PECR: variants seen among roughly 807,000 people sequenced by gnomAD.
The protein encoded by PECR is 2,4-dienoyl-CoA reductase-related protein.
In PECR, 30 loss-of-function variants were observed where a neutral mutation model predicts 35.3. The observed-to-expected ratio is 0.85, with a 90% CI of 0.64 to 1.15. PECR has a LOEUF of 1.15. Ranked by LOEUF, PECR falls within the 50% of genes most tolerant of loss-of-function variation. The pLI is 0.00. For synonymous variants in PECR, 148 were observed against 138.9 expected, an observed-to-expected ratio of 1.07 and a Z score of -0.46; for missense variants, 392 against 370.8, an observed-to-expected ratio of 1.06 and a Z score of -0.47.
At chr2:216,081,526 C>T (rs1372374004) in intron 1 of PECR, 92 bp downstream of exon 1, 3 of 1,515,350 alleles carry the variant, frequency 2.0e-6, no homozygotes, top group Non-Finnish European at 2.7e-6. Context: ...GCTCCACACT[C>T]CCTCAGCCCC....
chr2:216,042,990 T>TAC (rs199922980), intron 7 of PECR, among the ~76,000 whole-genome samples: 2,760 of 120,668 alleles, frequency 0.023, 208 homozygotes, highest in African/African-American at 0.068. Context: ...TATATATATA[T>TAC]ACATACGTAT....
intron 6 of PECR, among the ~76,000 whole-genome samples, chr2:216,044,619 G>C (rs150911781): frequency 2.0e-5 from 3 of 152,062 alleles, no homozygotes; most frequent in Admixed American, 1.3e-4. Flanking sequence ...GGAGCATTGC[G>C]TGGGCCTAAG....
intron 1 of PECR, among the ~76,000 whole-genome samples, chr2:216,068,090 G>A (rs1695503528): frequency 6.6e-6 from 1 of 151,830 alleles, no homozygotes; most frequent in Admixed American, 6.6e-5. Flanking sequence ...AGCCAGTCCT[G>A]GTGGCATGTG....
chr2:216,036,462 C>G (rs1042838081), downstream of PECR, among the ~76,000 whole-genome samples: 5 of 152,226 alleles, frequency 3.3e-5, no homozygotes, highest in Admixed American at 2.6e-4. Flanking sequence ...CAAACTATGA[C>G]TGATGCTGGA....
intron 1 of PECR, among the ~76,000 whole-genome samples, chr2:216,072,129 T>C (rs1312902370): frequency 6.6e-6 from 1 of 152,228 alleles, no homozygotes; most frequent in African/African-American, 2.4e-5. Flanking sequence ...GATACAGTTA[T>C]AGGCTGTTTT....
rs771632999 is a variant in PECR, at chr2:216,051,464, GA to G, written c.587del (p.Ile196ThrfsTer98). 6 of 1,602,062 alleles carry G rather than the reference GA, an allele frequency of 3.7e-6. No individual in the cohort carries two copies. In the African/African-American group the frequency reaches 6.7e-5, roughly 18 times the overall value. On this transcript the variant is annotated frameshift_variant, in exon 5 of 8. Coordinates refer to ENST00000265322, the MANE Select transcript of PECR (RefSeq NM_018441.6). LOFTEE classifies it high-confidence loss of function. ...ALEWACSGIRINCVAPGVIYS... is the reference protein window; with the variant it reads ...ALEWACSGIRXNCVAPGVIYS... The stretch of plus-strand genomic sequence containing the variant: ...GTTTACCTACAGGGGCAACACAATT[GA>G]TCCGTATTCCACTGCAGGCCCATTC...
At chr2:216,066,551 T>C (rs760846829) in intron 1 of PECR, 33 bp from the exon 2 acceptor site, 4 of 1,604,750 alleles carry the variant, frequency 2.5e-6, no homozygotes, top group Non-Finnish European at 3.4e-6. Flanking sequence ...CAAATAAATA[T>C]GCCTTCATGG....
intron 1 of PECR, among the ~76,000 whole-genome samples, chr2:216,072,121 T>TA (rs1202731531): frequency 3.3e-5 from 5 of 152,224 alleles, no homozygotes; most frequent in African/African-American, 7.2e-5. Flanking sequence ...TGTGAGGTGA[T>TA]ACAGTTATAG....
intron 7 of PECR, among the ~76,000 whole-genome samples, chr2:216,039,926 G>T (rs914628948): frequency 6.6e-6 from 1 of 152,182 alleles, no homozygotes; most frequent in African/African-American, 2.4e-5. Flanking sequence ...TAAGTTGATC[G>T]AATATAGAGT....
In PECR at chr2:216,058,882, T is replaced by C. The variant is rs746777056; in HGVS notation, c.506+13A>G. 6 of 1,492,478 alleles carry C rather than the reference T, an allele frequency of 4.0e-6. No individual in the cohort carries two copies. Among genetic ancestry groups the C allele is most frequent in the South Asian group, 1.1e-5 (1 of 88,126 alleles). 92.5% of individuals were successfully genotyped at this position (1,492,478 alleles called of 1,614,324 possible). On this transcript the variant is annotated intron_variant, in intron 4 of 7. Coordinates refer to ENST00000265322, the MANE Select transcript of PECR (RefSeq NM_018441.6). ...TCAAAGACTTAGAAAGAAAACTATATAAAAACGCTTACACAGCTAATGGAA... is the reference window on the plus strand; with the variant it reads ...TCAAAGACTTAGAAAGAAAACTATACAAAAACGCTTACACAGCTAATGGAA...
intron 6 of PECR, among the ~76,000 whole-genome samples, chr2:216,046,283 T>C (rs564795162): frequency 7.4e-5 from 9 of 120,940 alleles, no homozygotes; most frequent in Non-Finnish European, 1.5e-4. Context: ...AAAGTATATA[T>C]ATATACATAC....
At chr2:216,044,523 G>A (rs1430549665) in intron 6 of PECR, among the ~76,000 whole-genome samples, 1 of 152,120 alleles carries the variant, frequency 6.6e-6, no homozygotes, top group Non-Finnish European at 1.5e-5. Flanking sequence ...CACATTCAAA[G>A]GAGCTCTCTA....
chr2:216,066,190 G>C, intron 2 of PECR, among the ~76,000 whole-genome samples, 195 bp downstream of exon 2: 1 of 152,256 alleles, frequency 6.6e-6, no homozygotes, highest in Non-Finnish European at 1.5e-5. Flanking sequence ...CCACATTCTT[G>C]CCTCCCTTCC....
Position 216,042,339 on chromosome 2 carries a change from C to T in PECR, c.826+1565G>A, listed in dbSNP as rs568956545. 3.9e-5 allele frequency among the ~76,000 whole-genome samples: 6 copies of T among 152,282 alleles called. No individual in the cohort carries two copies. In the South Asian group the frequency reaches 1.2e-3, roughly 32 times the overall value. ...AGGAAAACCAGTTTGAGTTTTTGCTCGCCTCTCACATACACCAATCATTTA... is the reference window on the plus strand; with the variant it reads ...AGGAAAACCAGTTTGAGTTTTTGCTTGCCTCTCACATACACCAATCATTTA... On this transcript the variant is annotated intron_variant, in intron 7 of 7. Coordinates refer to ENST00000265322, the MANE Select transcript of PECR (RefSeq NM_018441.6).
intron 1 of PECR, among the ~76,000 whole-genome samples, chr2:216,068,804 ATTTTTTTTTTTTT>A (rs36012588): frequency 0.01 from 790 of 76,158 alleles, 14 homozygotes; most frequent in African/African-American, 0.037. Context: ...TATCTGGCCA[ATTTTTTTTTTTTT>A]TTTTTTTTTT....
At chr2:216,075,064 T>C (rs1695670153) in intron 1 of PECR, among the ~76,000 whole-genome samples, 1 of 152,154 alleles carries the variant, frequency 6.6e-6, no homozygotes, top group Non-Finnish European at 1.5e-5. Flanking sequence ...GGAGAGTCGC[T>C]TGTGGTGAGT....
intron 1 of PECR, among the ~76,000 whole-genome samples, chr2:216,080,770 C>A (rs927414820): frequency 6.6e-6 from 1 of 151,882 alleles, no homozygotes; most frequent in Non-Finnish European, 1.5e-5. Context: ...GTCTGTAGTT[C>A]TTCTTTTGGA....
At chr2:216,054,938 C>T (rs1344514324) in intron 4 of PECR, among the ~76,000 whole-genome samples, 1 of 151,540 alleles carries the variant, frequency 6.6e-6, no homozygotes, top group Non-Finnish European at 1.5e-5. Flanking sequence ...CAGTGAAACC[C>T]CGTCACTACT....
intron 7 of PECR, among the ~76,000 whole-genome samples, chr2:216,031,193 G>C (rs1245698046): frequency 6.6e-6 from 1 of 151,940 alleles, no homozygotes; most frequent in Admixed American, 6.6e-5. Flanking sequence ...GATCACCTGA[G>C]GTCAGGAGTT....
Sources: allele counts gnomAD v4.1 joint callset (sites outside exome capture counted in the v4.1 genomes callset), GRCh38; gene constraint gnomAD v4.1.1; transcripts MANE v1.5; gene names NCBI Gene and HGNC (gene_info 2026-07-23, HGNC 2026-07-21).